Variants in MYLK observed in about 807,000 individuals in gnomAD.
MYLK encodes myosin light chain kinase.
Under a neutral mutation model 203.4 loss-of-function variants are expected in MYLK, and 106 were observed. That is an observed-to-expected ratio of 0.52 (90% CI 0.45 to 0.61). The LOEUF is 0.61. MYLK is among the 20% of genes least tolerant of loss of function. The pLI is 0.00. For missense variants in MYLK, 2,072 were observed against 2,442.3 expected (o/e 0.85, Z 3.20); for synonymous variants, 867 against 959.5 (o/e 0.90, Z 1.78).
intron 29 of MYLK, among the ~76,000 whole-genome samples, chr3:123,633,186 C>T (rs1291570805): frequency 6.6e-6 from 1 of 151,964 alleles, no homozygotes; most frequent in Non-Finnish European, 1.5e-5. Context: ...AATACAGTGG[C>T]GTGATCATGG....
chr3:123,674,487 G>A (rs1382606412), intron 20 of MYLK, among the ~76,000 whole-genome samples: 1 of 152,172 alleles, frequency 6.6e-6, no homozygotes, highest in Non-Finnish European at 1.5e-5. Context: ...CTCTGTCCCT[G>A]GCTTTCATCC....
chr3:123,865,982 C>G (rs2032302040), intron 2 of MYLK, among the ~76,000 whole-genome samples: 1 of 152,182 alleles, frequency 6.6e-6, no homozygotes, highest in Non-Finnish European at 1.5e-5. Context: ...TGTAGGCACT[C>G]TGGCTCCAGG....
intron 1 of MYLK, 62 bp downstream of exon 1, chr3:123,884,144 C>T (rs1187343477): frequency 6.6e-6 from 1 of 151,666 alleles, no homozygotes; most frequent in East Asian, 2.0e-4. Context: ...AGAACTCCCA[C>T]CCTCGGAGCC....
intron 5 of MYLK, among the ~76,000 whole-genome samples, chr3:123,743,706 C>A (rs569711728): frequency 6.6e-6 from 1 of 152,186 alleles, no homozygotes; most frequent in South Asian, 2.1e-4. Context: ...AGAATGCTGG[C>A]AGGTCTTAGG....
intron 2 of MYLK, among the ~76,000 whole-genome samples, chr3:123,860,468 G>T (rs2031796387): frequency 6.6e-6 from 1 of 152,076 alleles, no homozygotes; most frequent in Admixed American, 6.6e-5. Flanking sequence ...CTTCTCTAGA[G>T]GATCAGGGAG....
intron 11 of MYLK, among the ~76,000 whole-genome samples, chr3:123,728,842 G>A (rs1049810617): frequency 3.3e-5 from 5 of 152,162 alleles, no homozygotes; most frequent in African/African-American, 1.2e-4. Context: ...TCCATTTTCC[G>A]GGTTGTCTTT....
At chr3:123,842,669 A>T (rs543082194) in intron 2 of MYLK, among the ~76,000 whole-genome samples, 1 of 152,378 alleles carries the variant, frequency 6.6e-6, no homozygotes, top group Admixed American at 6.5e-5. Context: ...TTCCTCTGCC[A>T]ATATCTTATC....
intron 11 of MYLK, among the ~76,000 whole-genome samples, chr3:123,730,242 A>G (rs2062429258): frequency 6.6e-6 from 1 of 152,186 alleles, no homozygotes; most frequent in South Asian, 2.1e-4. Flanking sequence ...AAAAAGCAAG[A>G]AACCAAGCAA....
chr3:123,801,250 G>C (rs78903281), intron 3 of MYLK, among the ~76,000 whole-genome samples: 1 of 152,166 alleles, frequency 6.6e-6, no homozygotes, highest in Non-Finnish European at 1.5e-5. Flanking sequence ...GACCTCAAGG[G>C]ACCCTGGAAG....
chr3:123,860,118 C>T (rs534109686), intron 2 of MYLK, among the ~76,000 whole-genome samples: 46 of 152,312 alleles, frequency 3.0e-4, no homozygotes, highest in Middle Eastern at 3.4e-3. Context: ...TGAAGGACAT[C>T]AGTGACTGGG....
chr3:123,647,298 G>T lies in MYLK; in HGVS notation c.4545C>A (p.Cys1515Ter). 1 of 1,614,220 alleles carries T rather than the reference G, an allele frequency of 6.2e-7. No individual in the cohort carries two copies. The highest frequency in any genetic ancestry group is 8.5e-7 in the Non-Finnish European group (1 of 1,180,030). ...ACTGGACCAGCTTAGGGTGGTGGAG[G>T]CAGTTCATGATGCTAATCTCCTGCC... The part of the protein sequence containing the change: ...NIRQEISIMN[C>*]LHHPKLVQCV... The change falls in exon 27 of 34, where the codon TGC becomes TGA. Residue 1515 changes from cysteine to a stop codon, truncating the protein, a stop_gained. Transcript: ENST00000360304. LOFTEE classifies it high-confidence loss of function.
intron 2 of MYLK, among the ~76,000 whole-genome samples, chr3:123,857,295 G>C (rs1045101046): frequency 6.6e-6 from 1 of 152,078 alleles, no homozygotes; most frequent in African/African-American, 2.4e-5. Context: ...TCCCATTACT[G>C]GGTATATACC....
rs143520833 is a variant in MYLK at position 123,783,163 on chromosome 3, A to G, written c.165+10514T>C. Among the ~76,000 whole-genome samples, 361 of 152,230 alleles carry G rather than the reference A, an allele frequency of 2.4e-3. 6 individuals are homozygous for G. Among genetic ancestry groups the G allele is most frequent in the Middle Eastern group, 0.02 (6 of 294 alleles). On this transcript the variant is annotated intron_variant, in intron 4 of 33. Coordinates refer to ENST00000360304, the MANE Select transcript of MYLK (RefSeq NM_053025.4). ...CTTTGGACATCTTTGTAGCAACTAC[A>G]TTTTTTCTTCTCCTTTAAGAGTTAA...
At chr3:123,628,737 T>C (rs1003958523) in intron 30 of MYLK, among the ~76,000 whole-genome samples, 1 of 152,112 alleles carries the variant, frequency 6.6e-6, no homozygotes, top group African/African-American at 2.4e-5. Context: ...CCTCTACAAC[T>C]CCAAGCTCCA....
At chr3:123,855,528 A>C (rs2031283994) in intron 2 of MYLK, among the ~76,000 whole-genome samples, 1 of 151,904 alleles carries the variant, frequency 6.6e-6, no homozygotes, top group South Asian at 2.1e-4. Flanking sequence ...AGTTCTAGCT[A>C]CTCAGGAGGT....
intron 2 of MYLK, among the ~76,000 whole-genome samples, chr3:123,842,984 C>T (rs1051074725): frequency 2.0e-5 from 3 of 152,172 alleles, no homozygotes; most frequent in Admixed American, 2.0e-4. Flanking sequence ...GGTACAGAAC[C>T]CACACACTCT....
At chr3:123,658,614 G>A (rs572865117) in intron 23 of MYLK, among the ~76,000 whole-genome samples, 3 of 152,258 alleles carry the variant, frequency 2.0e-5, no homozygotes, top group African/African-American at 7.2e-5. Flanking sequence ...TTTGAAACTG[G>A]TTTGTTTGCC....
chr3:123,807,585 C>T (rs1371718009), intron 3 of MYLK, among the ~76,000 whole-genome samples: 1 of 152,192 alleles, frequency 6.6e-6, no homozygotes, highest in African/African-American at 2.4e-5. Flanking sequence ...AATCCCTTGC[C>T]CAGGGAAAAC....
intron 2 of MYLK, among the ~76,000 whole-genome samples, chr3:123,864,428 T>A (rs1489669065): frequency 6.6e-6 from 1 of 152,196 alleles, no homozygotes; most frequent in Admixed American, 6.5e-5. Flanking sequence ...GAATGTACAA[T>A]TTCCTAATGT....
Sources: allele counts gnomAD v4.1 joint callset (sites outside exome capture counted in the v4.1 genomes callset), GRCh38; gene constraint gnomAD v4.1.1; transcripts MANE v1.5; gene names NCBI Gene and HGNC (gene_info 2026-07-23, HGNC 2026-07-21).